Variants in GNG12 observed in about 807,000 individuals in gnomAD.
GNG12 encodes the protein G protein subunit gamma 12.
For synonymous variants in GNG12, 28 were observed against 29.7 expected (o/e 0.94, Z 0.19); for missense variants, 69 against 83.8 (o/e 0.82, Z 0.69).
chr1:67,754,122 C>G (rs999690220), intron 2 of GNG12, among the ~76,000 whole-genome samples: 3 of 152,122 alleles, frequency 2.0e-5, no homozygotes, highest in African/African-American at 4.8e-5. Context: ...CATGTTATTT[C>G]TTTTCCTTCA....
chr1:67,773,552 T>G (rs1388197940), intron 2 of GNG12, among the ~76,000 whole-genome samples: 1 of 152,058 alleles, frequency 6.6e-6, no homozygotes, highest in Admixed American at 6.5e-5. Context: ...AATGTTCCAG[T>G]ATAAGAAATG....
intron 2 of GNG12, among the ~76,000 whole-genome samples, chr1:67,743,136 A>G (rs1435502533): frequency 2.0e-5 from 3 of 152,210 alleles, no homozygotes; most frequent in African/African-American, 7.2e-5. Context: ...ACTAAGAATA[A>G]CATTTCTAGA....
intron 1 of GNG12, among the ~76,000 whole-genome samples, chr1:67,790,788 G>A (rs1361734851): frequency 1.3e-5 from 2 of 151,944 alleles, no homozygotes; most frequent in African/African-American, 4.8e-5. Context: ...GCTAATTTTT[G>A]TATTTTTAGT....
chr1:67,707,542 G>T, intron 3 of GNG12, 52 bp downstream of exon 3: 1 of 953,020 alleles, frequency 1.0e-6, no homozygotes, highest in Non-Finnish European at 1.7e-6. Context: ...CAGCCACAAG[G>T]AACAGGGGGA....
intron 2 of GNG12, among the ~76,000 whole-genome samples, chr1:67,718,523 A>C (rs1646339275): frequency 6.6e-6 from 1 of 152,176 alleles, no homozygotes; most frequent in South Asian, 2.1e-4. Flanking sequence ...TGGCTGCCTT[A>C]CTAGACAGTG....
chr1:67,827,136 C>T (rs1391799065), intron 1 of GNG12, among the ~76,000 whole-genome samples: 1 of 152,186 alleles, frequency 6.6e-6, no homozygotes, highest in Non-Finnish European at 1.5e-5. Context: ...TGTGTGATCA[C>T]GCAAACTCAA....
intron 1 of GNG12, among the ~76,000 whole-genome samples, chr1:67,796,171 A>G (rs1009381151): frequency 5.3e-5 from 8 of 152,210 alleles, no homozygotes; most frequent in African/African-American, 1.9e-4. Context: ...TTGGCAGGCT[A>G]AACATATCTA....
chr1:67,709,879 TA>T (rs1196070995), intron 2 of GNG12, among the ~76,000 whole-genome samples: 26 of 119,376 alleles, frequency 2.2e-4, no homozygotes, highest in African/African-American at 4.3e-4. Context: ...TATATATATT[TA>T]TATATATAGT....
At chr1:67,728,771 G>A (rs907833461) in intron 2 of GNG12, among the ~76,000 whole-genome samples, 8 of 152,118 alleles carry the variant, frequency 5.3e-5, no homozygotes, top group African/African-American at 1.2e-4. Context: ...ACACATTCAG[G>A]AGAGAAAATA....
chr1:67,707,929 G>C (rs1646259743), intron 2 of GNG12, among the ~76,000 whole-genome samples: 1 of 152,158 alleles, frequency 6.6e-6, no homozygotes, highest in Admixed American at 6.5e-5. Flanking sequence ...TTAGTTTGCA[G>C]AAACCCAGCA....
intron 2 of GNG12, among the ~76,000 whole-genome samples, chr1:67,720,715 T>G (rs936900858): frequency 1.3e-4 from 20 of 152,334 alleles, no homozygotes; most frequent in African/African-American, 4.6e-4. Context: ...AAAGAATATA[T>G]ACATGAGCAA....
At chr1:67,817,701 A>G (rs1646960623) in intron 1 of GNG12, among the ~76,000 whole-genome samples, 1 of 152,130 alleles carries the variant, frequency 6.6e-6, no homozygotes, top group Non-Finnish European at 1.5e-5. Flanking sequence ...AAGAAAGGGA[A>G]GGCAGCAGGT....
At chr1:67,766,148 A>ACACACACACACACACACC (rs756645057) in intron 2 of GNG12, among the ~76,000 whole-genome samples, 4 of 133,792 alleles carry the variant, frequency 3.0e-5, no homozygotes, top group African/African-American at 6.2e-5. Context: ...ACACACACAC[A>ACACACACACACACACACC]CCCCTAAACA....
At chr1:67,740,645 C>T (rs768282915) in intron 2 of GNG12, among the ~76,000 whole-genome samples, 9 of 152,214 alleles carry the variant, frequency 5.9e-5, no homozygotes, top group Non-Finnish European at 1.2e-4. Flanking sequence ...CCCCAAAATT[C>T]ATATGTTGAA....
intron 2 of GNG12, among the ~76,000 whole-genome samples, chr1:67,737,428 G>T (rs1008457624): frequency 2.0e-5 from 3 of 152,160 alleles, no homozygotes; most frequent in African/African-American, 7.2e-5. Context: ...TCACATGGAT[G>T]GTAAGAAGAG....
intron 2 of GNG12, among the ~76,000 whole-genome samples, chr1:67,753,080 C>G (rs982876210): frequency 6.6e-6 from 1 of 152,326 alleles, no homozygotes; most frequent in Middle Eastern, 3.4e-3. Flanking sequence ...AGCTCCACAA[C>G]AGCAGGACCC....
At chr1:67,822,814 C>T (rs1646991697) in intron 1 of GNG12, among the ~76,000 whole-genome samples, 1 of 151,932 alleles carries the variant, frequency 6.6e-6, no homozygotes, top group Admixed American at 6.6e-5. Context: ...TTTCCAAAAA[C>T]AAAGCCACTG....
intron 1 of GNG12, among the ~76,000 whole-genome samples, chr1:67,821,810 T>C (rs548111901): frequency 1.0e-3 from 140 of 138,300 alleles, no homozygotes; most frequent in African/African-American, 3.5e-3. Context: ...TAGTGGCACA[T>C]AGAATAATGG....
chr1:67,705,980 T>C (rs995092009), intron 3 of GNG12, among the ~76,000 whole-genome samples: 3 of 152,198 alleles, frequency 2.0e-5, no homozygotes. Flanking sequence ...GGACTGTGTG[T>C]GAGGTATTCT....
Sources: allele counts gnomAD v4.1 joint callset (sites outside exome capture counted in the v4.1 genomes callset), GRCh38; gene constraint gnomAD v4.1.1; transcripts MANE v1.5; gene names NCBI Gene and HGNC (gene_info 2026-07-23, HGNC 2026-07-21).